Variants in DUSP16 observed in about 807,000 individuals in gnomAD.
The protein encoded by DUSP16 is dual specificity phosphatase 16.
Under a neutral mutation model 58.3 loss-of-function variants are expected in DUSP16, and 21 were observed. That is an observed-to-expected ratio of 0.36 (90% CI 0.26 to 0.52). The LOEUF (loss-of-function observed/expected upper bound fraction) is 0.52. DUSP16 is among the 20% of genes least tolerant of loss of function. The pLI is 0.94. For synonymous variants in DUSP16, 320 were observed against 323.8 expected (o/e 0.99, Z 0.12); for missense variants, 726 against 819.0 (o/e 0.89, Z 1.39).
chr12:12,491,872 G>C (rs1419072343), intron 4 of DUSP16, among the ~76,000 whole-genome samples: 2 of 152,126 alleles, frequency 1.3e-5, no homozygotes. Context: ...ACTACACCCA[G>C]AATCTGTAAA....
At chr12:12,540,570 C>G (rs562533445) in intron 1 of DUSP16, among the ~76,000 whole-genome samples, 1 of 152,256 alleles carries the variant, frequency 6.6e-6, no homozygotes, top group African/African-American at 2.4e-5. Context: ...AATTTTAAAG[C>G]AATTTCATAA....
intron 6 of DUSP16, among the ~76,000 whole-genome samples, chr12:12,479,041 G>C (rs1219043793): frequency 6.6e-6 from 1 of 152,050 alleles, no homozygotes; most frequent in Non-Finnish European, 1.5e-5. Context: ...AAATGATGGT[G>C]CTGGATTCAA....
At chr12:12,541,115 C>T (rs751678060) in intron 1 of DUSP16, among the ~76,000 whole-genome samples, 3 of 151,872 alleles carry the variant, frequency 2.0e-5, no homozygotes, top group Admixed American at 1.3e-4. Flanking sequence ...CACACCATCA[C>T]GCCTGGCTAA....
At chr12:12,516,889 C>A (rs2136228793) in intron 3 of DUSP16, among the ~76,000 whole-genome samples, 1 of 152,282 alleles carries the variant, frequency 6.6e-6, no homozygotes, top group East Asian at 1.9e-4. Context: ...GTAAACAAGA[C>A]CTGGTCCATA....
At chr12:12,484,670 G>C (rs1241860050) in intron 5 of DUSP16, among the ~76,000 whole-genome samples, 1 of 152,078 alleles carries the variant, frequency 6.6e-6, no homozygotes, top group East Asian at 1.9e-4. Flanking sequence ...TGCCAAGGCT[G>C]GAGTGCAATG....
rs776616564 is a variant in DUSP16, at chr12:12,500,560, G to C, written c.490C>G (p.Pro164Ala). 7 of 1,611,924 alleles carry C rather than the reference G, an allele frequency of 4.3e-6. No individual in the cohort carries two copies. The highest frequency in any genetic ancestry group is 5.9e-6 in the Non-Finnish European group (7 of 1,179,134). ...VANIGPTRIL[P>A]NLYLGCQRDV... The stretch of plus-strand genomic sequence containing the variant: ...CGCTGGCAGCCAAGATAAAGATTGG[G>C]AAGAATTCGGGTTGGCCCAATGTTG... Residue 164 changes from proline to alanine, a missense_variant, in exon 4 of 7, where the codon CCC becomes GCC. By Grantham distance (27) the Pro-to-Ala change is conservative (BLOSUM62 -1). Transcript: ENST00000298573.
chr12:12,507,597 C>A (rs764127329), intron 3 of DUSP16, among the ~76,000 whole-genome samples: 1 of 150,132 alleles, frequency 6.7e-6, no homozygotes, highest in African/African-American at 2.4e-5. Context: ...TTGAACTATG[C>A]GGTTAAATTC....
intron 1 of DUSP16, among the ~76,000 whole-genome samples, chr12:12,537,287 T>C (rs1204787818): frequency 6.6e-6 from 1 of 152,204 alleles, no homozygotes; most frequent in Non-Finnish European, 1.5e-5. Flanking sequence ...ATGACATTCA[T>C]CCAACAGTGA....
chr12:12,488,363 A>G (rs544778944), intron 4 of DUSP16, among the ~76,000 whole-genome samples: 68 of 152,306 alleles, frequency 4.5e-4, no homozygotes, highest in African/African-American at 1.5e-3. Context: ...AGCACCTACC[A>G]TAGTGTGTTA....
At chr12:12,558,804 G>T (rs1944851002) in intron 1 of DUSP16, among the ~76,000 whole-genome samples, 2 of 151,994 alleles carry the variant, frequency 1.3e-5, no homozygotes, top group South Asian at 4.1e-4. Context: ...GTATCAGAGG[G>T]CATTTTTCCA....
At chr12:12,511,651 A>C (rs1944080969) in intron 3 of DUSP16, among the ~76,000 whole-genome samples, 1 of 152,146 alleles carries the variant, frequency 6.6e-6, no homozygotes, top group African/African-American at 2.4e-5. Context: ...TGTATCATAC[A>C]TTTTAGCAAA....
intron 1 of DUSP16, among the ~76,000 whole-genome samples, chr12:12,558,386 G>GT (rs139098397): frequency 0.11 from 15,714 of 143,214 alleles, 863 homozygotes; most frequent in Non-Finnish European, 0.13. Flanking sequence ...AAGATTATAT[G>GT]TTTTTTTTTT....
chr12:12,516,027 C>T (rs1489958262), intron 3 of DUSP16, among the ~76,000 whole-genome samples: 2 of 151,918 alleles, frequency 1.3e-5, no homozygotes, highest in Non-Finnish European at 2.9e-5. Flanking sequence ...CCACCCACCT[C>T]GGCCTCCCAA....
intron 6 of DUSP16, among the ~76,000 whole-genome samples, chr12:12,478,336 C>CT (rs541835613): frequency 0.094 from 13,520 of 144,268 alleles, 645 homozygotes; most frequent in Non-Finnish European, 0.11. Context: ...TGGTGGTGGT[C>CT]TTTTTTTTTT....
At chr12:12,480,460 A>G (rs1027390401) in intron 5 of DUSP16, 114 bp from the exon 6 acceptor site, 8 of 1,168,732 alleles carry the variant, frequency 6.8e-6, no homozygotes, top group Non-Finnish European at 9.5e-6. Flanking sequence ...CGCAAATCTC[A>G]TCTGTGTATA....
chr12:12,497,565 T>C (rs1242026572), intron 4 of DUSP16, among the ~76,000 whole-genome samples: 1 of 151,766 alleles, frequency 6.6e-6, no homozygotes, highest in Admixed American at 6.6e-5. Context: ...GAGGGTTAAA[T>C]GCAATAATAT....
chr12:12,530,703 AC>A (rs1163622059), intron 1 of DUSP16, among the ~76,000 whole-genome samples: 2 of 152,206 alleles, frequency 1.3e-5, no homozygotes, highest in Non-Finnish European at 2.9e-5. Flanking sequence ...AAATCCTGTA[AC>A]AAGAAAGATT....
intron 1 of DUSP16, among the ~76,000 whole-genome samples, chr12:12,560,093 T>A (rs540101283): frequency 6.6e-6 from 1 of 152,230 alleles, no homozygotes; most frequent in South Asian, 2.1e-4. Context: ...GCATTCTAAA[T>A]TGAAAAAGGA....
At chr12:12,545,926 G>C (rs1944635582) in intron 1 of DUSP16, among the ~76,000 whole-genome samples, 1 of 152,096 alleles carries the variant, frequency 6.6e-6, no homozygotes, top group Admixed American at 6.5e-5. Flanking sequence ...CCAAATCACA[G>C]TTCTAGAGCC....
Sources: gnomAD v4.1 joint callset for allele counts (sites outside exome capture counted in the v4.1 genomes callset) on GRCh38, gnomAD v4.1.1 for gene constraint, MANE v1.5 for transcripts, NCBI Gene and HGNC (gene_info 2026-07-23, HGNC 2026-07-21) for gene names.